NEK10: variants seen among roughly 807,000 people sequenced by gnomAD.
NEK10 encodes the protein NIMA related kinase 10, also known as serine/threonine-protein kinase Nek10.
In NEK10, 122 loss-of-function variants were observed where a neutral mutation model predicts 159.8. The ratio of observed to expected loss-of-function variants is 0.76; its 90% CI spans 0.66 to 0.89. NEK10 has a LOEUF of 0.89. Among genes scored for constraint, NEK10 ranks in the 40% least tolerant of loss-of-function variants. The pLI is 0.00. For missense variants in NEK10, 1,342 were observed against 1,323.1 expected, an observed-to-expected ratio of 1.01 and a Z score of -0.22; for synonymous variants, 466 against 457.1, an observed-to-expected ratio of 1.02 and a Z score of -0.25.
chr3:27,145,458 G>A (rs1386194900), intron 30 of NEK10, among the ~76,000 whole-genome samples: 5 of 152,068 alleles, frequency 3.3e-5, no homozygotes, highest in African/African-American at 9.7e-5. Context: ...TCTTATAAGA[G>A]GCAATTTACT....
chr3:27,208,324 T>C (rs1031904939), intron 23 of NEK10, among the ~76,000 whole-genome samples: 2 of 152,192 alleles, frequency 1.3e-5, no homozygotes, highest in African/African-American at 4.8e-5. Flanking sequence ...GAATCATGAA[T>C]GTAGAGAGAT....
chr3:27,204,298 G>GT (rs1559606061), intron 23 of NEK10, among the ~76,000 whole-genome samples: 20 of 65,498 alleles, frequency 3.1e-4, no homozygotes, highest in South Asian at 1.1e-3. Flanking sequence ...TTTTTTTGTT[G>GT]TTGTTTTTTT....
intron 32 of NEK10, among the ~76,000 whole-genome samples, chr3:27,122,902 A>T (rs1046991926): frequency 1.3e-5 from 2 of 152,096 alleles, no homozygotes; most frequent in African/African-American, 4.8e-5. Flanking sequence ...TCCAGTGCTT[A>T]TGTCACACTG....
Position 27,346,129 on chromosome 3 carries a change from G to C in NEK10, c.220C>G (p.Gln74Glu), listed in dbSNP as rs773731128. 4 of 1,613,710 alleles carry C rather than the reference G, an allele frequency of 2.5e-6. No individual in the cohort carries two copies. The highest frequency in any genetic ancestry group is 2.5e-6 in the Non-Finnish European group (3 of 1,179,694). Residue 74 changes from glutamine (Q) to glutamate (E), a missense_variant, in exon 4 of 36, where the codon CAG becomes GAG. Coordinates refer to ENST00000691995, the MANE Select transcript of NEK10 (RefSeq NM_001394966.1). ...IRAGGHRARGQWHESTEAVEL... is the reference protein window; with the variant it reads ...IRAGGHRARGEWHESTEAVEL... ...ACAGCTTCTGTGGATTCATGCCACT[G>C]ACCCCGAGCTCTGTGTCCACCCGCC...
chr3:27,311,905 G>A (rs2044727226), intron 8 of NEK10, 194 bp downstream of exon 8: 2 of 531,674 alleles, frequency 3.8e-6, no homozygotes, highest in African/African-American at 1.9e-5. Context: ...TCAAGGTAAA[G>A]GTTGTAATCT....
intron 23 of NEK10, among the ~76,000 whole-genome samples, chr3:27,237,335 A>G (rs1954042084): frequency 6.6e-6 from 1 of 151,952 alleles, no homozygotes. Context: ...AACAGGATTA[A>G]GAGATTAAAG....
At chr3:27,131,558 T>C (rs1274585679) in intron 32 of NEK10, among the ~76,000 whole-genome samples, 1 of 152,180 alleles carries the variant, frequency 6.6e-6, no homozygotes, top group Non-Finnish European at 1.5e-5. Flanking sequence ...TTTTGGAGCT[T>C]ATTGAAGATT....
chr3:27,221,030 T>G (rs1395408477), intron 23 of NEK10, among the ~76,000 whole-genome samples: 1 of 152,110 alleles, frequency 6.6e-6, no homozygotes, highest in African/African-American at 2.4e-5. Flanking sequence ...GCTAAATGAG[T>G]CATAGACCTA....
intron 23 of NEK10, chr3:27,215,829 G>A (rs372635664): frequency 3.5e-5 from 25 of 717,530 alleles, no homozygotes; most frequent in African/African-American, 3.1e-4. Flanking sequence ...GAGCCAGCAC[G>A]TTTTATGTGG....
rs1341714225 is a variant in NEK10, at chr3:27,369,043, G to C, written c.-38+182C>G. On this transcript the variant is annotated intron_variant, in intron 1 of 35. Coordinates refer to ENST00000691995, the MANE Select transcript of NEK10 (RefSeq NM_001394966.1). This position sits in a 1 kb window ranked among gnomAD's most constrained non-coding sequence, Gnocchi z 4.2. ...AACACAAACCCACCTGCTTTGAAAA[G>C]ACTGCCTCACGCAGTGACTCACTTA... 2 of 152,376 alleles carry C rather than the reference G, an allele frequency of 1.3e-5. No homozygotes were observed. Among genetic ancestry groups the C allele is most frequent in the Non-Finnish European group, 2.9e-5 (2 of 68,102 alleles). The allele number at this position is 152,376 out of a possible 1,614,324, so 9.4% of individuals were successfully genotyped here. A position where few individuals can be genotyped will look rare whatever the true frequency, so the allele number is the denominator to read the frequency against.
At chr3:27,189,001 A>G (rs773428919) in intron 26 of NEK10, among the ~76,000 whole-genome samples, 11 of 152,164 alleles carry the variant, frequency 7.2e-5, no homozygotes, top group Non-Finnish European at 1.3e-4. Flanking sequence ...TGATGCCACA[A>G]TACCCTCTAC....
intron 20 of NEK10, among the ~76,000 whole-genome samples, chr3:27,286,472 C>T (rs897796469): frequency 6.7e-6 from 1 of 150,238 alleles, no homozygotes; most frequent in African/African-American, 2.5e-5. Flanking sequence ...ACCTCTGCCT[C>T]CAGGGTTCAA....
intron 35 of NEK10, among the ~76,000 whole-genome samples, chr3:27,111,640 A>G (rs1939555683): frequency 1.3e-5 from 2 of 151,656 alleles, no homozygotes; most frequent in Admixed American, 1.3e-4. Flanking sequence ...TTATCAGTCA[A>G]TTGGGGAAAT....
Position 27,209,930 on chromosome 3 carries a change from C to G in NEK10, c.2091-7373G>C, listed in dbSNP as rs144540458. On this transcript the variant is annotated intron_variant, in intron 23 of 35. Coordinates refer to ENST00000691995, the MANE Select transcript of NEK10 (RefSeq NM_001394966.1). The stretch of plus-strand genomic sequence containing the variant: ...AGAAAATCTACATTCATGAAATAAA[C>G]AGCTAGGGTTTCTCTGAGCCCACCC... Among the ~76,000 whole-genome samples, 381 of 152,146 alleles carry G rather than the reference C, an allele frequency of 2.5e-3. 2 individuals are homozygous for G. The highest frequency in any genetic ancestry group is 8.8e-3 in the African/African-American group (367 of 41,476).
intron 5 of NEK10, among the ~76,000 whole-genome samples, chr3:27,333,197 C>T (rs1028752629): frequency 2.0e-5 from 3 of 152,114 alleles, no homozygotes; most frequent in African/African-American, 7.2e-5. Context: ...AGTGAGAGAC[C>T]CTCAGTAGTC....
chr3:27,367,975 G>C (rs2049219568), intron 1 of NEK10, among the ~76,000 whole-genome samples: 1 of 152,096 alleles, frequency 6.6e-6, no homozygotes, highest in African/African-American at 2.4e-5. Flanking sequence ...GTAGGGAAGG[G>C]AAATGCCCTT....
chr3:27,317,854 G>C (rs867745111), intron 6 of NEK10, among the ~76,000 whole-genome samples: 59 of 152,082 alleles, frequency 3.9e-4, no homozygotes, highest in African/African-American at 1.3e-3. Flanking sequence ...CCAGGCTGGA[G>C]TGCAGTGGCG....
chr3:27,156,391 C>T (rs1945421654), intron 30 of NEK10, among the ~76,000 whole-genome samples: 1 of 152,032 alleles, frequency 6.6e-6, no homozygotes, highest in East Asian at 1.9e-4. Context: ...AAAATCTTCA[C>T]AATCTATAAA....
chr3:27,324,206 C>A (rs973026024), intron 5 of NEK10, among the ~76,000 whole-genome samples: 1 of 152,176 alleles, frequency 6.6e-6, no homozygotes, highest in Admixed American at 6.5e-5. Flanking sequence ...CCAGTTATAG[C>A]TAGTAGTAAA....
Sources: allele counts gnomAD v4.1 joint callset (sites outside exome capture counted in the v4.1 genomes callset), GRCh38; gene constraint gnomAD v4.1.1; non-coding constraint Gnocchi (gnomAD v3.1); transcripts MANE v1.5; gene names NCBI Gene and HGNC (gene_info 2026-07-23, HGNC 2026-07-21).